PROSER2: variants seen among roughly 807,000 people sequenced by gnomAD.
The protein encoded by PROSER2 is proline and serine rich 2, also known as proline and serine-rich protein 2.
Under a neutral mutation model 14.6 loss-of-function variants are expected in PROSER2, and 18 were observed. The observed-to-expected ratio is 1.23, with a 90% CI of 0.85 to 1.83. The LOEUF is 1.83. Among genes scored for constraint, PROSER2 ranks in the 40% most tolerant of loss-of-function variants. The pLI is 0.00. For missense variants in PROSER2, 823 were observed against 629.8 expected (o/e 1.31, Z -3.28); for synonymous variants, 367 against 286.4 (o/e 1.28, Z -2.84).
chr10:11,861,537 A>G (rs1834238369), intron 2 of PROSER2, among the ~76,000 whole-genome samples: 1 of 152,096 alleles, frequency 6.6e-6, no homozygotes, highest in African/African-American at 2.4e-5. Flanking sequence ...CGGCCGTGAA[A>G]GTAGGTGAGA....
intron 1 of PROSER2, among the ~76,000 whole-genome samples, chr10:11,846,113 A>T (rs955537780): frequency 6.6e-6 from 1 of 152,042 alleles, no homozygotes; most frequent in African/African-American, 2.4e-5. Flanking sequence ...CAGTCTCCCA[A>T]GTAGCTGGGA....
At chr10:11,826,066 TCTC>T (rs1833608016) in intron 1 of PROSER2, among the ~76,000 whole-genome samples, 1 of 152,016 alleles carries the variant, frequency 6.6e-6, no homozygotes, top group East Asian at 1.9e-4. Flanking sequence ...CAGCCACTGA[TCTC>T]CTTCTGTCTC....
chr10:11,842,649 C>A (rs1229542948), intron 1 of PROSER2, among the ~76,000 whole-genome samples: 2 of 152,092 alleles, frequency 1.3e-5, no homozygotes, highest in African/African-American at 4.8e-5. Flanking sequence ...CCAAATCTTT[C>A]CTCCCTGAAA....
intron 1 of PROSER2, among the ~76,000 whole-genome samples, chr10:11,843,078 T>C (rs1053478399): frequency 1.7e-4 from 25 of 150,294 alleles, no homozygotes; most frequent in East Asian, 4.0e-4. Context: ...GTAGCTGGGA[T>C]TACAGGCGCC....
intron 2 of PROSER2, among the ~76,000 whole-genome samples, chr10:11,853,716 C>T (rs1021897117): frequency 8.5e-5 from 13 of 152,184 alleles, no homozygotes; most frequent in African/African-American, 3.1e-4. Context: ...CATGCTCCTC[C>T]TTCCATCTCC....
chr10:11,870,943 TCTTGACGTA>T lies in PROSER2; in HGVS notation c.*541_*549del. 1 of 154,974 alleles carries T rather than the reference TCTTGACGTA, an allele frequency of 6.5e-6. No homozygotes were observed. Among genetic ancestry groups the T allele is most frequent in the Non-Finnish European group, 1.5e-5 (1 of 68,048 alleles). The allele number at this position is 154,974 out of a possible 1,614,324, so 9.6% of individuals were successfully genotyped here. ...GGCATCATGGTACTTTGCTTTTGTT[TCTTGACGTA>T]CTTTAGTTTGCCCAGTTTTGTTTTT... On this transcript the variant is annotated 3_prime_UTR_variant, in exon 4 of 4. Transcript: ENST00000277570.
chr10:11,870,734 G>A lies in PROSER2; in HGVS notation c.*328G>A. On this transcript the variant is annotated 3_prime_UTR_variant, in exon 4 of 4. Coordinates refer to ENST00000277570, the MANE Select transcript of PROSER2 (RefSeq NM_153256.4). Reference sequence around the variant, plus strand: ...AAATGCCATCTTTTGGGGGTTGGGAGGAGTAGGACTGGTCTGATTATCATT... The same window carrying A: ...AAATGCCATCTTTTGGGGGTTGGGAAGAGTAGGACTGGTCTGATTATCATT... 3 of 253,328 alleles carry A rather than the reference G, an allele frequency of 1.2e-5. No homozygotes were observed. The highest frequency in any genetic ancestry group is 1.6e-5 in the Non-Finnish European group (2 of 124,512). 15.7% of individuals were successfully genotyped at this position (253,328 alleles called of 1,614,324 possible).
In PROSER2 at chr10:11,823,990, G is replaced by A. The variant is rs931619136; in HGVS notation, c.-82+520G>A. Among the ~76,000 whole-genome samples, 6 of 152,212 alleles carry A rather than the reference G, an allele frequency of 3.9e-5. No homozygotes were observed. The highest frequency in any genetic ancestry group is 1.4e-4 in the African/African-American group (6 of 41,458). ...TCTGCCCAGCCCAGCGCGGCGGGAGGGACTAAAATAGAGGAGAAAATGTGG... is the reference window on the plus strand; with the variant it reads ...TCTGCCCAGCCCAGCGCGGCGGGAGAGACTAAAATAGAGGAGAAAATGTGG... On this transcript the variant is annotated intron_variant, in intron 1 of 3. Transcript: ENST00000277570. The surrounding 1 kb of genome is among the most constrained non-coding windows in gnomAD (Gnocchi z 6.2).
intron 2 of PROSER2, among the ~76,000 whole-genome samples, chr10:11,863,792 A>G (rs1834290981): frequency 6.6e-6 from 1 of 152,078 alleles, no homozygotes. Flanking sequence ...CAACTCTGTT[A>G]TGGTGTCGGT....
chr10:11,839,312 A>G (rs1044522541), intron 1 of PROSER2, among the ~76,000 whole-genome samples: 2 of 152,238 alleles, frequency 1.3e-5, no homozygotes, highest in African/African-American at 4.8e-5. Context: ...ATATTCTTAG[A>G]GTAAGAAAGG....
At position 11,844,976 on chromosome 10, in the gene PROSER2, T is replaced by C. The variant is rs531941679; in HGVS notation, c.-81-7021T>C. On this transcript the variant is annotated intron_variant, in intron 1 of 3. Coordinates refer to ENST00000277570, the MANE Select transcript of PROSER2 (RefSeq NM_153256.4). ...TTCAGTTACATGGATGTACTCTATT[T>C]AACCAGCCCCTTATGTGAGACACTT... Among the ~76,000 whole-genome samples the C allele has an allele frequency of 2.9e-3, 439 of 152,336 alleles. 5 individuals are homozygous for C. The highest frequency in any genetic ancestry group is 0.01 in the African/African-American group (427 of 41,576).
At chr10:11,840,724 A>G (rs1030856687) in intron 1 of PROSER2, among the ~76,000 whole-genome samples, 3 of 151,728 alleles carry the variant, frequency 2.0e-5, no homozygotes, top group African/African-American at 7.3e-5. Flanking sequence ...CAGGGGTTCG[A>G]GACCAGCCTG....
rs1402181421 is a variant in PROSER2, at chr10:11,852,059, C to A, written c.-19C>A. 1 of 1,595,448 alleles carries A rather than the reference C, an allele frequency of 6.3e-7. No individual in the cohort carries two copies. Among genetic ancestry groups the A allele is most frequent in the Non-Finnish European group, 8.5e-7 (1 of 1,170,052 alleles). On this transcript the variant is annotated 5_prime_UTR_variant, in exon 2 of 4. Coordinates refer to ENST00000277570, the MANE Select transcript of PROSER2 (RefSeq NM_153256.4). ...GCCCTGCTTCCTGTGATCGAGCCGG[C>A]CCTGAGGACTCTGTGGAGATGCCTG...
At chr10:11,847,511 A>G (rs1473745479) in intron 1 of PROSER2, among the ~76,000 whole-genome samples, 1 of 152,100 alleles carries the variant, frequency 6.6e-6, no homozygotes, top group African/African-American at 2.4e-5. Flanking sequence ...TCCACCTCCC[A>G]TATTCAAACA....
At chr10:11,847,154 A>AATAAATAAAT (rs1197050251) in intron 1 of PROSER2, among the ~76,000 whole-genome samples, 4 of 88,250 alleles carry the variant, frequency 4.5e-5, no homozygotes, top group African/African-American at 7.7e-5. Context: ...AACATAAATA[A>AATAAATAAAT]ATATATATAT....
intron 1 of PROSER2, among the ~76,000 whole-genome samples, chr10:11,828,938 C>T (rs1325670037): frequency 6.6e-6 from 1 of 152,002 alleles, no homozygotes; most frequent in East Asian, 1.9e-4. Flanking sequence ...GTCAGAACAC[C>T]AGCTGGAGAA....
intron 1 of PROSER2, among the ~76,000 whole-genome samples, chr10:11,827,135 A>G (rs1833626589): frequency 7.4e-6 from 1 of 135,266 alleles, no homozygotes; most frequent in South Asian, 2.3e-4. Context: ...ATCTTCCCAC[A>G]TCTGCCTTCC....
chr10:11,856,699 A>G lies in PROSER2; in HGVS notation c.138+4484A>G, dbSNP rs908453531. Among the ~76,000 whole-genome samples, 22 of 152,202 alleles carry G rather than the reference A, an allele frequency of 1.4e-4. No homozygotes were observed. Among genetic ancestry groups the G allele is most frequent in the African/African-American group, 5.3e-4 (22 of 41,456 alleles). ...CCCTGAAGTCACACAGCGGTCTGTG[A>G]CCAGGCAGCCGGCAGCTCCTGAGCC... On this transcript the variant is annotated intron_variant, in intron 2 of 3. Transcript: ENST00000277570. The surrounding 1 kb of genome is among the most constrained non-coding windows in gnomAD (Gnocchi z 5.3).
chr10:11,826,405 C>T (rs1833613637), intron 1 of PROSER2, among the ~76,000 whole-genome samples: 1 of 152,080 alleles, frequency 6.6e-6, no homozygotes, highest in South Asian at 2.1e-4. Context: ...AAGTAGAATT[C>T]CCGGGTCATA....
Sources: allele counts gnomAD v4.1 joint callset (sites outside exome capture counted in the v4.1 genomes callset), GRCh38; gene constraint gnomAD v4.1.1; non-coding constraint Gnocchi (gnomAD v3.1); transcripts MANE v1.5; gene names NCBI Gene and HGNC (gene_info 2026-07-23, HGNC 2026-07-21).